Variants in CDH13 observed in about 807,000 individuals in gnomAD.
CDH13 encodes cadherin-13.
In CDH13, 24 loss-of-function variants were observed where a neutral mutation model predicts 63.8. That is an observed-to-expected ratio of 0.38 (90% CI 0.27 to 0.53). The LOEUF is 0.53. Among genes scored for constraint, CDH13 ranks in the 20% least tolerant of loss-of-function variants. The pLI, the probability that CDH13 is intolerant of heterozygous loss-of-function variation, is 0.85. For missense variants in CDH13, 1,049 were observed against 903.1 expected, an observed-to-expected ratio of 1.16 and a Z score of -2.07; for synonymous variants, 503 against 355.3, an observed-to-expected ratio of 1.42 and a Z score of -4.67.
chr16:83,263,726 C>A (rs78119716), intron 5 of CDH13, among the ~76,000 whole-genome samples: 1 of 152,104 alleles, frequency 6.6e-6, no homozygotes, highest in Non-Finnish European at 1.5e-5. Context: ...CCATGATGAA[C>A]GGTGCAGGCA....
At chr16:83,014,646 G>T (rs1481858159) in intron 2 of CDH13, among the ~76,000 whole-genome samples, 1 of 148,088 alleles carries the variant, frequency 6.8e-6, no homozygotes, top group African/African-American at 2.5e-5. Flanking sequence ...CAGGAGAATT[G>T]CTTGAACCTG....
chr16:83,687,496 G>T (rs899708239), intron 10 of CDH13, among the ~76,000 whole-genome samples: 9 of 152,092 alleles, frequency 5.9e-5, no homozygotes, highest in Non-Finnish European at 1.3e-4. Context: ...TCACTATCCC[G>T]AAGACGCCAC....
At chr16:83,441,248 T>A (rs2072471927) in intron 6 of CDH13, among the ~76,000 whole-genome samples, 1 of 152,320 alleles carries the variant, frequency 6.6e-6, no homozygotes, top group African/African-American at 2.4e-5. Context: ...TGTTCAATAC[T>A]TTGAGTACCA....
At chr16:83,570,105 C>T (rs8056234) in intron 7 of CDH13, among the ~76,000 whole-genome samples, 1 of 151,974 alleles carries the variant, frequency 6.6e-6, no homozygotes, top group East Asian at 1.9e-4. Flanking sequence ...TCCTGTGTAG[C>T]CCCTGTTTTC....
intron 1 of CDH13, among the ~76,000 whole-genome samples, chr16:82,647,513 T>A (rs1318033638): frequency 6.6e-6 from 1 of 152,138 alleles, no homozygotes; most frequent in African/African-American, 2.4e-5. Flanking sequence ...GGTACTGCTC[T>A]GGGTGTCTGG....
intron 2 of CDH13, among the ~76,000 whole-genome samples, chr16:82,931,647 A>T (rs577406368): frequency 6.6e-6 from 1 of 152,162 alleles, no homozygotes; most frequent in Non-Finnish European, 1.5e-5. Context: ...TCACAGTTCC[A>T]TGTGGCTGGG....
At chr16:83,356,562 G>T (rs1259579175) in intron 6 of CDH13, among the ~76,000 whole-genome samples, 1 of 152,140 alleles carries the variant, frequency 6.6e-6, no homozygotes, top group African/African-American at 2.4e-5. Flanking sequence ...TCCCTTCTGA[G>T]AACGCAGTCT....
intron 11 of CDH13, among the ~76,000 whole-genome samples, chr16:83,752,058 G>A (rs895185388): frequency 1.3e-5 from 2 of 152,244 alleles, no homozygotes; most frequent in Non-Finnish European, 2.9e-5. Context: ...AATAAGCCAA[G>A]ATTGTTTAAA....
intron 10 of CDH13, among the ~76,000 whole-genome samples, chr16:83,685,412 T>C (rs1017569285): frequency 4.6e-5 from 7 of 152,182 alleles, no homozygotes; most frequent in Admixed American, 4.6e-4. Flanking sequence ...ATTTGCATAA[T>C]CAAAATAATA....
intron 3 of CDH13, among the ~76,000 whole-genome samples, chr16:83,123,275 AC>A (rs537857848): frequency 9.2e-4 from 139 of 151,606 alleles, no homozygotes; most frequent in African/African-American, 3.3e-3. Flanking sequence ...TATATATCCC[AC>A]ATTTTCTTTT....
At chr16:83,007,633 C>T (rs1334091548) in intron 2 of CDH13, among the ~76,000 whole-genome samples, 1 of 152,088 alleles carries the variant, frequency 6.6e-6, no homozygotes, top group East Asian at 1.9e-4. Flanking sequence ...AGTTTGAGAC[C>T]AGCCTAGGCA....
chr16:83,005,547 C>T (rs1319660411), intron 2 of CDH13, among the ~76,000 whole-genome samples: 1 of 152,136 alleles, frequency 6.6e-6, no homozygotes, highest in East Asian at 1.9e-4. Flanking sequence ...CAGTGTTTTC[C>T]AGTTGTGAAG....
chr16:83,286,980 A>G (rs116910064), intron 5 of CDH13, among the ~76,000 whole-genome samples: 17 of 152,064 alleles, frequency 1.1e-4, no homozygotes, highest in Non-Finnish European at 2.2e-4. Context: ...TACCCCATAG[A>G]TGGTTCTTGA....
chr16:83,216,413 T>TAC lies in CDH13; in HGVS notation c.484-931_484-930insCA, dbSNP rs1567513869. Among the ~76,000 whole-genome samples the TAC allele has an allele frequency of 2.0e-3, 167 of 83,192 alleles. 10 individuals are homozygous for TAC. The highest frequency in any genetic ancestry group is 7.0e-3 in the African/African-American group (162 of 23,004). 54.6% of individuals were successfully genotyped at this position (83,192 alleles called of 152,430 possible). The stretch of plus-strand genomic sequence containing the variant: ...CAGCATTGAAATATATATATATATA[T>TAC]ATATATATATATATATATATATATA... On this transcript the variant is annotated intron_variant, in intron 4 of 13. Coordinates refer to ENST00000567109, the MANE Select transcript of CDH13 (RefSeq NM_001257.5).
At chr16:83,064,797 G>A (rs534436903) in intron 3 of CDH13, among the ~76,000 whole-genome samples, 5 of 152,198 alleles carry the variant, frequency 3.3e-5, no homozygotes, top group South Asian at 2.1e-4. Flanking sequence ...GTATAAAATG[G>A]TATAATTAAA....
chr16:83,277,427 C>G (rs1005641797), intron 5 of CDH13, among the ~76,000 whole-genome samples: 2 of 152,148 alleles, frequency 1.3e-5, no homozygotes, highest in African/African-American at 4.8e-5. Context: ...AGGGAATCTG[C>G]ATTTTAACAG....
chr16:83,224,932 G>C (rs1209457886), intron 5 of CDH13, among the ~76,000 whole-genome samples: 2 of 152,222 alleles, frequency 1.3e-5, no homozygotes, highest in Non-Finnish European at 2.9e-5. Flanking sequence ...GAAAGCACTT[G>C]TGAGGGAGCA....
At chr16:83,646,584 C>T (rs936648508) in intron 8 of CDH13, among the ~76,000 whole-genome samples, 4 of 151,522 alleles carry the variant, frequency 2.6e-5, no homozygotes, top group African/African-American at 9.7e-5. Flanking sequence ...TCCCTGTAGT[C>T]CCAGCTACTC....
chr16:83,060,061 TG>T (rs1182051663), intron 3 of CDH13, among the ~76,000 whole-genome samples: 1 of 152,102 alleles, frequency 6.6e-6, no homozygotes, highest in Non-Finnish European at 1.5e-5. Context: ...CCCAAATTGC[TG>T]GGATTACAAA....
Sources: allele counts gnomAD v4.1 joint callset (sites outside exome capture counted in the v4.1 genomes callset), GRCh38; gene constraint gnomAD v4.1.1; transcripts MANE v1.5; gene names NCBI Gene and HGNC (gene_info 2026-07-23, HGNC 2026-07-21).